Variants in CDH18 observed in about 807,000 individuals in gnomAD.
CDH18 encodes cadherin-18.
A neutral mutation model predicts 67.9 loss-of-function variants in CDH18; 31 were observed. The ratio of observed to expected loss-of-function variants is 0.46; its 90% confidence interval spans 0.34 to 0.62. The LOEUF is 0.62. CDH18 is among the 20% of genes least tolerant of loss of function. CDH18 has a pLI of 0.01. For synonymous variants in CDH18, 362 were observed against 347.2 expected, an observed-to-expected ratio of 1.04 and a Z score of -0.48; for missense variants, 890 against 975.5, an observed-to-expected ratio of 0.91 and a Z score of 1.17.
chr5:20,046,437 C>T (rs1256740942), intron 2 of CDH18, among the ~76,000 whole-genome samples: 1 of 151,360 alleles, frequency 6.6e-6, no homozygotes, highest in African/African-American at 2.4e-5. Context: ...GCATATGGGC[C>T]AGTAGTTAGA....
chr5:20,026,903 G>A (rs568190101), intron 2 of CDH18, among the ~76,000 whole-genome samples: 33 of 152,102 alleles, frequency 2.2e-4, no homozygotes, highest in African/African-American at 6.0e-4. Flanking sequence ...CTTGCAGTGA[G>A]CTGAGATTGT....
chr5:19,686,231 T>C (rs1482143191), intron 5 of CDH18, among the ~76,000 whole-genome samples: 3 of 152,074 alleles, frequency 2.0e-5, no homozygotes, highest in Non-Finnish European at 4.4e-5. Context: ...GTCAAGGACA[T>C]GACACTAAAA....
At chr5:20,452,806 T>C (rs1750553872) in intron 1 of CDH18, among the ~76,000 whole-genome samples, 1 of 151,922 alleles carries the variant, frequency 6.6e-6, no homozygotes, top group Non-Finnish European at 1.5e-5. Context: ...TCTAGTAACT[T>C]ATGAGTGAGA....
intron 1 of CDH18, among the ~76,000 whole-genome samples, chr5:20,388,919 G>T (rs1285063477): frequency 2.0e-5 from 3 of 152,170 alleles, no homozygotes; most frequent in Admixed American, 2.0e-4. Context: ...CTGAGAGACA[G>T]TTTGTTATAA....
chr5:20,470,224 A>G (rs1751951116), intron 1 of CDH18, among the ~76,000 whole-genome samples: 1 of 152,148 alleles, frequency 6.6e-6, no homozygotes, highest in South Asian at 2.1e-4. Context: ...ATTCCATGGT[A>G]AGGTGTTTTA....
intron 2 of CDH18, among the ~76,000 whole-genome samples, chr5:19,932,540 A>G (rs1793813870): frequency 2.0e-5 from 3 of 151,564 alleles, no homozygotes; most frequent in African/African-American, 7.3e-5. Flanking sequence ...TGTCTTAACA[A>G]TAATTACAAT....
At chr5:20,282,935 T>C (rs1746398197) in intron 1 of CDH18, among the ~76,000 whole-genome samples, 1 of 151,922 alleles carries the variant, frequency 6.6e-6, no homozygotes, top group Non-Finnish European at 1.5e-5. Context: ...GACCAATGCA[T>C]CAAAATAGAG....
chr5:20,446,353 A>G (rs1442904246), intron 1 of CDH18, among the ~76,000 whole-genome samples: 1 of 152,036 alleles, frequency 6.6e-6, no homozygotes, highest in Non-Finnish European at 1.5e-5. Flanking sequence ...TTCTTTTCTC[A>G]TAGCAGCTTT....
intron 1 of CDH18, among the ~76,000 whole-genome samples, chr5:20,537,883 T>G (rs1400395132): frequency 6.6e-6 from 1 of 152,230 alleles, no homozygotes; most frequent in Non-Finnish European, 1.5e-5. Flanking sequence ...TTGGAAGTTG[T>G]GTGGGCTTCA....
chr5:19,755,782 A>G (rs1202897057), intron 3 of CDH18, among the ~76,000 whole-genome samples: 1 of 151,800 alleles, frequency 6.6e-6, no homozygotes, highest in Non-Finnish European at 1.5e-5. Flanking sequence ...GCATCCAGCA[A>G]GGGAGAAAGA....
In CDH18 at chr5:20,486,681, G is replaced by GTATATATATATATATATATATA. The variant is rs750113034; in HGVS notation, c.-580+88780_-580+88781insTATATATATATATATATATATA. Among the ~76,000 whole-genome samples, 430 of 122,494 alleles carry GTATATATATATATATATATATA rather than the reference G, an allele frequency of 3.5e-3. 9 individuals carry two copies. The highest frequency in any genetic ancestry group is 5.3e-3 in the Non-Finnish European group (312 of 58,768). 80.4% of individuals were successfully genotyped at this position (122,494 alleles called of 152,430 possible). A position where few individuals can be genotyped will look rare whatever the true frequency, so the allele number is the denominator to read the frequency against. ...AGTTGTTTTACCTGTTGCTATTTTTGTATATATATATATATATACATATAT... is the reference window on the plus strand; with the variant it reads ...AGTTGTTTTACCTGTTGCTATTTTTGTATATATATATATATATATATATATATATATATATATATACATATAT... On this transcript the variant is annotated intron_variant, in intron 1 of 14. Coordinates refer to the CDH18 transcript ENST00000507958.
At chr5:20,498,765 A>G (rs1445119603) in intron 1 of CDH18, among the ~76,000 whole-genome samples, 2 of 152,110 alleles carry the variant, frequency 1.3e-5, no homozygotes, top group East Asian at 1.9e-4. Context: ...TGAGCTTGTA[A>G]TAATACGTGT....
intron 3 of CDH18, among the ~76,000 whole-genome samples, chr5:19,774,910 G>GACCT: frequency 7.1e-6 from 1 of 140,928 alleles, no homozygotes; most frequent in Non-Finnish European, 1.5e-5. Flanking sequence ...TTCAGAAAAG[G>GACCT]ACCTACAACA....
chr5:20,248,379 C>T (rs1240969449), intron 2 of CDH18, among the ~76,000 whole-genome samples: 1 of 152,166 alleles, frequency 6.6e-6, no homozygotes, highest in East Asian at 1.9e-4. Context: ...TTGATTCTGT[C>T]CCCCAGAGGA....
intron 3 of CDH18, among the ~76,000 whole-genome samples, chr5:19,773,656 TA>T (rs1365745131): frequency 6.6e-6 from 1 of 152,136 alleles, no homozygotes; most frequent in African/African-American, 2.4e-5. Context: ...TTTTATAGGC[TA>T]AAGGTAATAT....
At chr5:20,236,834 A>T (rs1248389264) in intron 2 of CDH18, among the ~76,000 whole-genome samples, 1 of 152,036 alleles carries the variant, frequency 6.6e-6, no homozygotes, top group Non-Finnish European at 1.5e-5. Context: ...ATTTTATGAG[A>T]CAGGTATTAC....
chr5:20,036,716 T>C (rs548860042), intron 2 of CDH18, among the ~76,000 whole-genome samples: 125 of 152,218 alleles, frequency 8.2e-4, no homozygotes, highest in Non-Finnish European at 1.5e-3. Flanking sequence ...AGTGGAGTGT[T>C]AAAGTCTCCC....
chr5:20,036,149 A>G (rs1739839377), intron 2 of CDH18, among the ~76,000 whole-genome samples: 1 of 152,054 alleles, frequency 6.6e-6, no homozygotes, highest in Admixed American at 6.6e-5. Flanking sequence ...AAATAGATTC[A>G]TGACAATTTA....
chr5:20,291,959 T>C (rs1747136804), intron 1 of CDH18, among the ~76,000 whole-genome samples: 1 of 152,182 alleles, frequency 6.6e-6, no homozygotes, highest in African/African-American at 2.4e-5. Context: ...CTCTTTCCCG[T>C]AATTTCCTTC....
Sources: gnomAD v4.1 joint callset for allele counts (sites outside exome capture counted in the v4.1 genomes callset) on GRCh38, gnomAD v4.1.1 for gene constraint, MANE v1.5 for transcripts, NCBI Gene and HGNC (gene_info 2026-07-23, HGNC 2026-07-21) for gene names.